Variants in NRXN3 observed in about 807,000 individuals in gnomAD.
NRXN3 encodes the protein neurexin 3, also known as neurexin III.
In NRXN3, 32 loss-of-function variants were observed where a neutral mutation model predicts 137.6. The ratio of observed to expected loss-of-function variants is 0.23; its 90% CI spans 0.18 to 0.31. The LOEUF is 0.31. Among genes scored for constraint, NRXN3 ranks in the 10% least tolerant of loss-of-function variants. The pLI is 1.00. For synonymous variants in NRXN3, 798 were observed against 784.5 expected (o/e 1.02, Z -0.29); for missense variants, 1,574 against 2,062.5 (o/e 0.76, Z 4.59).
intron 15 of NRXN3, among the ~76,000 whole-genome samples, chr14:79,011,310 C>T (rs1249996676): frequency 2.0e-5 from 3 of 151,560 alleles, no homozygotes; most frequent in East Asian, 3.9e-4. Flanking sequence ...TTCTATTTTG[C>T]CCACTAGGTG....
intron 19 of NRXN3, among the ~76,000 whole-genome samples, chr14:79,747,735 T>A (rs2098983978): frequency 6.6e-6 from 1 of 152,150 alleles, no homozygotes; most frequent in African/African-American, 2.4e-5. Flanking sequence ...CAAAGCACTC[T>A]AGAGGAAGTA....
chr14:78,613,383 T>C (rs1324951357), intron 4 of NRXN3, among the ~76,000 whole-genome samples: 1 of 152,186 alleles, frequency 6.6e-6, no homozygotes, highest in Non-Finnish European at 1.5e-5. Context: ...AGATTTTGTA[T>C]TAAGAAGACT....
chr14:79,817,649 G>T lies in NRXN3; in HGVS notation c.4093+12459G>T, dbSNP rs138019931. On this transcript the variant is annotated intron_variant, in intron 20 of 20. Transcript: ENST00000335750. Reference sequence around the variant, plus strand: ...AAGGTCACACAGCAAGGAAGTAGAAGAAATGGGATCTGAACCCAAGCCAAC... The same window carrying T: ...AAGGTCACACAGCAAGGAAGTAGAATAAATGGGATCTGAACCCAAGCCAAC... Among the ~76,000 whole-genome samples, 299 of 152,296 alleles carry T rather than the reference G, an allele frequency of 2.0e-3. 13 individuals are homozygous for T. In the East Asian group the frequency reaches 0.049, roughly 25 times the overall value.
intron 15 of NRXN3, among the ~76,000 whole-genome samples, chr14:79,385,437 A>G (rs960067032): frequency 2.0e-5 from 3 of 151,812 alleles, no homozygotes; most frequent in Non-Finnish European, 4.4e-5. Flanking sequence ...TATGTGCCAC[A>G]TTTTCTTAAT....
intron 4 of NRXN3, among the ~76,000 whole-genome samples, chr14:78,300,505 G>A (rs766921138): frequency 6.6e-6 from 1 of 152,232 alleles, no homozygotes; most frequent in Admixed American, 6.5e-5. Flanking sequence ...TCCTTAGGAT[G>A]TTGCAATGCT....
At chr14:79,032,067 CT>C (rs1444510986) in intron 15 of NRXN3, among the ~76,000 whole-genome samples, 1 of 152,186 alleles carries the variant, frequency 6.6e-6, no homozygotes, top group Non-Finnish European at 1.5e-5. Flanking sequence ...TGTTTCTCTT[CT>C]CTCTAGTGCA....
intron 15 of NRXN3, among the ~76,000 whole-genome samples, chr14:79,085,211 A>G (rs2047876605): frequency 6.6e-6 from 1 of 152,204 alleles, no homozygotes; most frequent in Non-Finnish European, 1.5e-5. Context: ...GTTTTAAAGT[A>G]TGTAAATTAA....
intron 4 of NRXN3, among the ~76,000 whole-genome samples, chr14:78,463,028 G>A (rs1419968440): frequency 1.3e-5 from 2 of 152,064 alleles, no homozygotes; most frequent in Non-Finnish European, 2.9e-5. Flanking sequence ...AGTCTCTAAT[G>A]TCTTTATTCT....
chr14:78,523,816 CAA>C (rs56083130), intron 4 of NRXN3, among the ~76,000 whole-genome samples: 4 of 61,602 alleles, frequency 6.5e-5, no homozygotes, highest in Non-Finnish European at 1.1e-4. Context: ...GACTCTGTCT[CAA>C]AAAAAAAAAA....
At chr14:79,826,795 T>A (rs2141156867) in intron 20 of NRXN3, among the ~76,000 whole-genome samples, 1 of 152,306 alleles carries the variant, frequency 6.6e-6, no homozygotes, top group African/African-American at 2.4e-5. Context: ...CCTGATACGT[T>A]ATTTTATTTC....
intron 19 of NRXN3, among the ~76,000 whole-genome samples, chr14:79,776,054 C>G (rs2099096096): frequency 6.6e-6 from 1 of 152,036 alleles, no homozygotes; most frequent in African/African-American, 2.4e-5. Context: ...AGCAAAATTC[C>G]TAGAAATATG....
chr14:78,973,821 G>T (rs984061704), intron 14 of NRXN3, among the ~76,000 whole-genome samples: 1 of 152,144 alleles, frequency 6.6e-6, no homozygotes, highest in Non-Finnish European at 1.5e-5. Flanking sequence ...TGCTGAGTTT[G>T]CAGTCAGTCC....
intron 16 of NRXN3, among the ~76,000 whole-genome samples, chr14:79,566,414 G>C (rs1215858173): frequency 6.6e-6 from 1 of 151,980 alleles, no homozygotes; most frequent in African/African-American, 2.4e-5. Flanking sequence ...CCACTACTCA[G>C]TTAATACTGA....
chr14:78,422,090 G>A (rs1222386294), intron 4 of NRXN3, among the ~76,000 whole-genome samples: 2 of 152,080 alleles, frequency 1.3e-5, no homozygotes, highest in Non-Finnish European at 2.9e-5. Context: ...CTGGAGGATC[G>A]GAGAAGTGAT....
At chr14:78,622,182 C>T (rs1189439369) in intron 4 of NRXN3, among the ~76,000 whole-genome samples, 1 of 152,140 alleles carries the variant, frequency 6.6e-6, no homozygotes, top group Non-Finnish European at 1.5e-5. Context: ...TGCTCCCCAC[C>T]CAGCTGCCAG....
chr14:78,651,069 A>G, intron 5 of NRXN3, 96 bp from the exon 6 acceptor site: 1 of 1,151,872 alleles, frequency 8.7e-7, no homozygotes. Context: ...GAAAATCTTA[A>G]TGAAAGTGAT....
At chr14:78,556,826 T>TA (rs147400491) in intron 4 of NRXN3, among the ~76,000 whole-genome samples, 1,758 of 148,498 alleles carry the variant, frequency 0.012, 51 homozygotes, top group East Asian at 0.1. Flanking sequence ...CAGTTGATGG[T>TA]AAAAAAAAAA....
chr14:79,315,451 A>T lies in NRXN3; in HGVS notation c.3263-151770A>T, dbSNP rs549895217. 6.6e-4 allele frequency among the ~76,000 whole-genome samples: 101 copies of T among 152,340 alleles called. No homozygotes were observed. In the Middle Eastern group the frequency reaches 0.01, roughly 15 times the overall value. ...TGTAGAGAAACTATTAAAAAAGTTTAAACAGCCTTTACAGAAACGTGGTTT... is the reference window on the plus strand; with the variant it reads ...TGTAGAGAAACTATTAAAAAAGTTTTAACAGCCTTTACAGAAACGTGGTTT... On this transcript the variant is annotated intron_variant, in intron 15 of 20. Transcript: ENST00000335750.
chr14:78,942,065 T>A (rs2099354140), intron 10 of NRXN3, among the ~76,000 whole-genome samples: 2 of 152,184 alleles, frequency 1.3e-5, no homozygotes, highest in Admixed American at 1.3e-4. Flanking sequence ...TAGGTCGTCT[T>A]AATGGAAAGT....
Sources: gnomAD v4.1 joint callset for allele counts (sites outside exome capture counted in the v4.1 genomes callset) on GRCh38, gnomAD v4.1.1 for gene constraint, MANE v1.5 for transcripts, NCBI Gene and HGNC (gene_info 2026-07-23, HGNC 2026-07-21) for gene names.